The following CUL5 variants were observed in gnomAD, a reference collection of about 807,000 sequenced individuals.
CUL5 encodes the protein cullin-5.
Under a neutral mutation model 108.8 loss-of-function variants are expected in CUL5, and 26 were observed. That is an observed-to-expected ratio of 0.24 (90% CI 0.18 to 0.33). The LOEUF is 0.33. CUL5 is among the 10% of genes least tolerant of loss of function. The probability of loss-of-function intolerance (pLI) is 1.00; values close to 1 mark genes in which losing one functional copy is unlikely to be tolerated. For synonymous variants in CUL5, 334 were observed against 298.0 expected (o/e 1.12, Z -1.25); for missense variants, 524 against 909.2 (o/e 0.58, Z 5.45).
At chr11:108,080,640 C>T (rs376265419) in intron 11 of CUL5, among the ~76,000 whole-genome samples, 27 of 151,990 alleles carry the variant, frequency 1.8e-4, no homozygotes, top group East Asian at 1.4e-3. Context: ...GTGATTTGCC[C>T]GCCTCGGCAT....
In CUL5 at chr11:108,009,235, C is replaced by G. The variant is rs1341597429; in HGVS notation, c.-114C>G. 4.4e-6 allele frequency: 5 copies of G among 1,146,774 alleles called. No homozygotes were observed. Among genetic ancestry groups the G allele is most frequent in the South Asian group, 4.0e-5 (3 of 75,638 alleles). The allele number at this position is 1,146,774 out of a possible 1,614,324, so 71.0% of individuals were successfully genotyped here. Reference sequence around the variant, plus strand: ...GCGCTGCTCCAGCGCCCACCACACCCTGGTGCGGGCCGACGGGCCCTGGGC... The same window carrying G: ...GCGCTGCTCCAGCGCCCACCACACCGTGGTGCGGGCCGACGGGCCCTGGGC... On this transcript the variant is annotated 5_prime_UTR_variant, in exon 1 of 19. Coordinates refer to ENST00000393094, the MANE Select transcript of CUL5 (RefSeq NM_003478.6).
In CUL5 at chr11:108,072,314, T is replaced by C; in HGVS notation, c.875-18T>C. On this transcript the variant is annotated intron_variant, in intron 8 of 18. Transcript: ENST00000393094. ...CTAGTAAATGAAATGATTACATGAA[T>C]GTGTTCTCTCCTTCCAGAATTACAT... 3 of 1,574,648 alleles carry C rather than the reference T, an allele frequency of 1.9e-6. No homozygotes were observed. In the African/African-American group the frequency reaches 4.1e-5, roughly 21 times the overall value.
intron 7 of CUL5, among the ~76,000 whole-genome samples, chr11:108,063,246 C>T (rs1863588429): frequency 6.6e-6 from 1 of 152,138 alleles, no homozygotes; most frequent in Admixed American, 6.6e-5. Flanking sequence ...TCTCTATTTC[C>T]ATGAGTTCAA....
intron 1 of CUL5, among the ~76,000 whole-genome samples, chr11:108,027,727 C>G (rs924375066): frequency 2.9e-4 from 44 of 152,238 alleles, no homozygotes; most frequent in Non-Finnish European, 4.7e-4. Flanking sequence ...CTTAATTCCA[C>G]TCTTCATTCC....
At chr11:108,038,999 C>T (rs1208649842) in intron 2 of CUL5, among the ~76,000 whole-genome samples, 1 of 151,458 alleles carries the variant, frequency 6.6e-6, no homozygotes, top group African/African-American at 2.4e-5. Context: ...ATATTTATCA[C>T]TTCTGTCCTT....
At chr11:108,021,741 C>T (rs1359134801) in intron 1 of CUL5, among the ~76,000 whole-genome samples, 1 of 152,052 alleles carries the variant, frequency 6.6e-6, no homozygotes, top group Non-Finnish European at 1.5e-5. Context: ...GTTTCAAACT[C>T]GTGGCCTCAA....
At chr11:108,060,158 G>T (rs929847292) in intron 7 of CUL5, among the ~76,000 whole-genome samples, 9 of 151,896 alleles carry the variant, frequency 5.9e-5, no homozygotes, top group Admixed American at 5.9e-4. Context: ...GGTATTTCAG[G>T]CATGGTATCC....
Position 108,033,928 on chromosome 11 carries a change from T to C in CUL5, c.134+17T>C, listed in dbSNP as rs750035078. Reference sequence around the variant, plus strand: ...TCTGTTTTCGTAAGTACCCCACTAATTCTGTTTGCTAGCATAAAGGAAATT... The same window carrying C: ...TCTGTTTTCGTAAGTACCCCACTAACTCTGTTTGCTAGCATAAAGGAAATT... On this transcript the variant is annotated intron_variant, in intron 2 of 18. Transcript: ENST00000393094. 4 of 1,474,824 alleles carry C rather than the reference T, an allele frequency of 2.7e-6. No homozygotes were observed. The South Asian group carries it at 4.8e-5, about 18-fold the overall frequency. 91.4% of individuals were successfully genotyped at this position (1,474,824 alleles called of 1,614,324 possible). A position where few individuals can be genotyped will look rare whatever the true frequency, so the allele number is the denominator to read the frequency against.
At chr11:108,079,278 G>A (rs1222855490) in intron 11 of CUL5, among the ~76,000 whole-genome samples, 2 of 151,884 alleles carry the variant, frequency 1.3e-5, no homozygotes, top group African/African-American at 4.8e-5. Context: ...TAATTTTTTT[G>A]TATTTTTAAT....
Position 108,033,808 on chromosome 11 carries a change from G to A in CUL5, c.31G>A (p.Gly11Ser). Residue 11 changes from glycine to serine, a missense_variant, in exon 2 of 19, where the codon GGT becomes AGT. Around this residue, in one of 8 missense-constraint regions of CUL5, gnomAD observed 76 missense variants for 90.8 expected, o/e 0.84. Transcript: ENST00000393094. ...TATCTTTTTTTTTTTCAAGAATAAA[G>A]GTTCTCTTCAGTTTGAAGACAAATG... The part of the protein sequence containing the change: MATSNLLKNK[G>S]SLQFEDKWDF... 1 of 1,568,920 alleles carries A rather than the reference G, an allele frequency of 6.4e-7. No homozygotes were observed. The highest frequency in any genetic ancestry group is 8.7e-7 in the Non-Finnish European group (1 of 1,150,172).
intron 2 of CUL5, among the ~76,000 whole-genome samples, chr11:108,040,669 C>T (rs996583971): frequency 6.6e-6 from 1 of 150,912 alleles, no homozygotes; most frequent in Non-Finnish European, 1.5e-5. Flanking sequence ...CCTGTAGTCC[C>T]AACTACTCAG....
rs1864082880 is a variant in CUL5 at position 108,081,510 on chromosome 11, AG to A, written c.1178+3273del. Reference sequence around the variant, plus strand: ...GCTCACACCTGTAATCCCAGCACTTAGGGAGGCCGAGGCGGGCAGATCACAA... The same window carrying A: ...GCTCACACCTGTAATCCCAGCACTTAGGAGGCCGAGGCGGGCAGATCACAA... On this transcript the variant is annotated intron_variant, in intron 11 of 18. Coordinates refer to ENST00000393094, the MANE Select transcript of CUL5 (RefSeq NM_003478.6). Among the ~76,000 whole-genome samples the A allele has an allele frequency of 4.0e-5, 6 of 151,588 alleles. No individual in the cohort carries two copies. In the South Asian group the frequency reaches 1.3e-3, roughly 32 times the overall value.
intron 1 of CUL5, among the ~76,000 whole-genome samples, chr11:108,030,512 C>G (rs1465555000): frequency 1.3e-5 from 2 of 152,210 alleles, no homozygotes; most frequent in Non-Finnish European, 2.9e-5. Context: ...TGGCGCATGC[C>G]TTTAATCCCA....
At chr11:108,024,076 G>T (rs1391695924) in intron 1 of CUL5, among the ~76,000 whole-genome samples, 1 of 152,164 alleles carries the variant, frequency 6.6e-6, no homozygotes, top group Non-Finnish European at 1.5e-5. Context: ...CCAAGGGCTG[G>T]ATCTGGCCCA....
At chr11:108,055,943 T>A (rs73557111) in intron 7 of CUL5, among the ~76,000 whole-genome samples, 20,217 of 152,194 alleles carry the variant, frequency 0.13, 1,453 homozygotes, top group African/African-American at 0.19. Flanking sequence ...CTGGCTAATT[T>A]TTTTATTTTA....
intron 2 of CUL5, among the ~76,000 whole-genome samples, chr11:108,038,981 G>A (rs562248046): frequency 1.3e-4 from 20 of 150,620 alleles, no homozygotes; most frequent in Non-Finnish European, 2.8e-4. Context: ...TGTTCTGCAT[G>A]TTGTGCAATA....
intron 13 of CUL5, among the ~76,000 whole-genome samples, chr11:108,091,691 T>TCTCTCACACACA (rs1864363909): frequency 1.7e-5 from 1 of 59,764 alleles, no homozygotes; most frequent in African/African-American, 8.0e-5. Flanking sequence ...CCTGTCTCTC[T>TCTCTCACACACA]CACTCACACA....
intron 18 of CUL5, among the ~76,000 whole-genome samples, chr11:108,102,805 A>G (rs1285679067): frequency 6.6e-6 from 1 of 152,154 alleles, no homozygotes; most frequent in African/African-American, 2.4e-5. Flanking sequence ...GTGCTAAGAT[A>G]GATATATGCC....
chr11:108,083,118 G>A (rs1170246341), intron 11 of CUL5, among the ~76,000 whole-genome samples: 3 of 151,868 alleles, frequency 2.0e-5, no homozygotes, highest in Admixed American at 1.3e-4. Context: ...TGCTCTGACC[G>A]GAACGTCTAC....
Sources: gnomAD v4.1 joint callset for allele counts (sites outside exome capture counted in the v4.1 genomes callset) on GRCh38, gnomAD v4.1.1 for gene constraint, gnomAD v4.1.1 regional missense constraint, MANE v1.5 for transcripts, NCBI Gene and HGNC (gene_info 2026-07-23, HGNC 2026-07-21) for gene names.